MAGI2: variants seen among roughly 807,000 people sequenced by gnomAD.
MAGI2 encodes the protein membrane associated guanylate kinase, WW and PDZ domain containing 2, also known as membrane-associated guanylate kinase, WW and PDZ domain-containing protein 2.
In MAGI2, 35 loss-of-function variants were observed where a neutral mutation model predicts 133.3. The ratio of observed to expected loss-of-function variants is 0.26; its 90% confidence interval spans 0.20 to 0.35. The LOEUF is 0.35. Among genes scored for constraint, MAGI2 ranks in the 10% least tolerant of loss-of-function variants. The probability of loss-of-function intolerance (pLI) is 1.00; values close to 1 mark genes in which losing one functional copy is unlikely to be tolerated. For synonymous variants in MAGI2, 729 were observed against 710.6 expected (o/e 1.03, Z -0.41); for missense variants, 1,636 against 1,863.4 (o/e 0.88, Z 2.25).
chr7:78,471,228 A>G (rs1455839487), intron 6 of MAGI2, among the ~76,000 whole-genome samples: 1 of 152,188 alleles, frequency 6.6e-6, no homozygotes, highest in East Asian at 1.9e-4. Context: ...CAGTACTACT[A>G]TCAAAGACAA....
At chr7:78,852,643 T>C (rs573928347) in intron 2 of MAGI2, among the ~76,000 whole-genome samples, 1 of 152,278 alleles carries the variant, frequency 6.6e-6, no homozygotes, top group African/African-American at 2.4e-5. Flanking sequence ...AACACTAATC[T>C]ACAAAGCTAC....
chr7:79,177,849 C>T (rs1049657039), intron 1 of MAGI2, among the ~76,000 whole-genome samples: 1 of 152,060 alleles, frequency 6.6e-6, no homozygotes, highest in Non-Finnish European at 1.5e-5. Context: ...TATCTTAAGG[C>T]ATAAGAAAGG....
chr7:78,827,708 T>C lies in MAGI2; in HGVS notation c.418+179382A>G, dbSNP rs1299533018. ...TACAATTTGAGCAACATAAATATAA[T>C]AATATTGAAACACAACCAAAAGTAT... On this transcript the variant is annotated intron_variant, in intron 2 of 21. Coordinates refer to ENST00000354212, the MANE Select transcript of MAGI2 (RefSeq NM_012301.4). Among the ~76,000 whole-genome samples the C allele has an allele frequency of 2.6e-5, 4 of 152,144 alleles. No individual in the cohort carries two copies. In the East Asian group the frequency reaches 7.7e-4, roughly 29 times the overall value.
intron 6 of MAGI2, among the ~76,000 whole-genome samples, chr7:78,371,778 T>C (rs11764975): frequency 0.069 from 10,437 of 152,114 alleles, 392 homozygotes; most frequent in South Asian, 0.095. Flanking sequence ...TGTGTGTTCG[T>C]TTGGTTGTTT....
chr7:78,568,873 G>A (rs1256215450), intron 3 of MAGI2, among the ~76,000 whole-genome samples: 1 of 152,104 alleles, frequency 6.6e-6, no homozygotes, highest in Admixed American at 6.5e-5. Flanking sequence ...TCCTTGCTGG[G>A]TTCTGAGTCT....
intron 1 of MAGI2, among the ~76,000 whole-genome samples, chr7:79,409,044 AC>A (rs1845984760): frequency 6.6e-6 from 1 of 152,144 alleles, no homozygotes; most frequent in Non-Finnish European, 1.5e-5. Flanking sequence ...ATAACCCTCT[AC>A]AGAAATATAG....
intron 10 of MAGI2, among the ~76,000 whole-genome samples, chr7:78,249,261 A>T (rs917364028): frequency 6.6e-6 from 1 of 152,098 alleles, no homozygotes; most frequent in South Asian, 2.1e-4. Flanking sequence ...CACACTGTGG[A>T]TGGCAATGTA....
intron 20 of MAGI2, among the ~76,000 whole-genome samples, chr7:78,112,926 G>A (rs1338288026): frequency 6.6e-6 from 1 of 152,222 alleles, no homozygotes; most frequent in East Asian, 1.9e-4. Flanking sequence ...GAAAGCACGG[G>A]GAAGTCTTCT....
chr7:78,626,750 A>G (rs1281949050), intron 3 of MAGI2, among the ~76,000 whole-genome samples: 1 of 151,922 alleles, frequency 6.6e-6, no homozygotes, highest in Non-Finnish European at 1.5e-5. Flanking sequence ...CTTCTTTTAG[A>G]TGACATCTTG....
At chr7:78,816,597 A>G (rs982310335) in intron 2 of MAGI2, among the ~76,000 whole-genome samples, 4 of 152,234 alleles carry the variant, frequency 2.6e-5, no homozygotes, top group Non-Finnish European at 4.4e-5. Context: ...TGAAAATCCT[A>G]GGACCCTTAA....
At chr7:78,125,618 C>T (rs1240576579) in intron 20 of MAGI2, 76 bp downstream of exon 20, 1 of 1,510,484 alleles carries the variant, frequency 6.6e-7, no homozygotes, top group Admixed American at 1.7e-5. Context: ...TGACAGCATG[C>T]TTCAGTACTC....
chr7:78,345,359 T>G (rs1450998590), intron 8 of MAGI2: 2 of 152,662 alleles, frequency 1.3e-5, no homozygotes, highest in African/African-American at 4.8e-5. Flanking sequence ...AGAAGCTCAC[T>G]AGCTGTGAAA....
chr7:78,458,466 G>T (rs1789582523), intron 6 of MAGI2, among the ~76,000 whole-genome samples: 1 of 151,972 alleles, frequency 6.6e-6, no homozygotes, highest in Non-Finnish European at 1.5e-5. Flanking sequence ...TGAAGTTTAT[G>T]TATTTGTTTT....
intron 10 of MAGI2, among the ~76,000 whole-genome samples, chr7:78,228,472 G>A (rs1789632298): frequency 6.6e-6 from 1 of 152,170 alleles, no homozygotes; most frequent in Non-Finnish European, 1.5e-5. Flanking sequence ...CAGTAAGCAA[G>A]GTTCTAACAG....
At chr7:78,740,735 T>C (rs1822334098) in intron 2 of MAGI2, among the ~76,000 whole-genome samples, 2 of 152,260 alleles carry the variant, frequency 1.3e-5, no homozygotes, top group South Asian at 4.1e-4. Flanking sequence ...TACCTAATTA[T>C]GTTCTTTATC....
intron 2 of MAGI2, among the ~76,000 whole-genome samples, chr7:78,922,145 C>CTTTA (rs1195157917): frequency 1.3e-4 from 17 of 127,900 alleles, no homozygotes; most frequent in East Asian, 8.8e-4. Context: ...TTCTTTCTTT[C>CTTTA]TTTATTTTTT....
intron 1 of MAGI2, among the ~76,000 whole-genome samples, chr7:79,311,325 T>C (rs976524993): frequency 6.6e-6 from 1 of 152,128 alleles, no homozygotes; most frequent in Non-Finnish European, 1.5e-5. Context: ...CTAACACTAA[T>C]AATAGCTGAT....
chr7:78,754,444 G>A, intron 2 of MAGI2, among the ~76,000 whole-genome samples: 1 of 151,932 alleles, frequency 6.6e-6, no homozygotes, highest in East Asian at 1.9e-4. Flanking sequence ...TTATTAATAA[G>A]CCCAAGTAAA....
At chr7:79,176,003 G>A (rs1826060800) in intron 1 of MAGI2, among the ~76,000 whole-genome samples, 1 of 151,978 alleles carries the variant, frequency 6.6e-6, no homozygotes, top group Non-Finnish European at 1.5e-5. Flanking sequence ...TTAAAGACAA[G>A]AAATTGAAGG....
Sources: allele counts gnomAD v4.1 joint callset (sites outside exome capture counted in the v4.1 genomes callset), GRCh38; gene constraint gnomAD v4.1.1; transcripts MANE v1.5; gene names NCBI Gene and HGNC (gene_info 2026-07-23, HGNC 2026-07-21).